PELI2: variants seen among roughly 807,000 people sequenced by gnomAD.
PELI2 encodes the protein E3 ubiquitin-protein ligase pellino homolog 2.
Under a neutral mutation model 42.3 loss-of-function variants are expected in PELI2, and 23 were observed. The observed-to-expected ratio is 0.54, with a 90% CI of 0.39 to 0.77. The LOEUF is 0.77. PELI2 is among the 30% of genes least tolerant of loss of function. PELI2 has a pLI of 0.00. For missense variants in PELI2, 463 were observed against 553.2 expected (o/e 0.84, Z 1.64); for synonymous variants, 245 against 212.2 (o/e 1.15, Z -1.34).
At chr14:56,145,319 C>A (rs1412447721) in intron 1 of PELI2, among the ~76,000 whole-genome samples, 2 of 152,132 alleles carry the variant, frequency 1.3e-5, no homozygotes, top group African/African-American at 4.8e-5. Context: ...CCCCCATGAT[C>A]CAGTCACCTC....
At chr14:56,136,831 A>G (rs754733433) in intron 1 of PELI2, among the ~76,000 whole-genome samples, 1 of 151,326 alleles carries the variant, frequency 6.6e-6, no homozygotes, top group Admixed American at 6.6e-5. Context: ...GTAATTGTGC[A>G]CTCTGAGATC....
At chr14:56,248,864 C>T (rs889432963) in intron 2 of PELI2, among the ~76,000 whole-genome samples, 5 of 151,914 alleles carry the variant, frequency 3.3e-5, no homozygotes, top group African/African-American at 9.7e-5. Flanking sequence ...CCATGTGCTG[C>T]GGCTGCTCCT....
At chr14:56,146,828 C>T (rs1884143349) in intron 1 of PELI2, among the ~76,000 whole-genome samples, 1 of 151,626 alleles carries the variant, frequency 6.6e-6, no homozygotes, top group South Asian at 2.1e-4. Flanking sequence ...ATATGCCATA[C>T]CTCACCTACT....
At chr14:56,271,057 G>A (rs1012043574) in intron 2 of PELI2, among the ~76,000 whole-genome samples, 2 of 152,172 alleles carry the variant, frequency 1.3e-5, no homozygotes, top group African/African-American at 4.8e-5. Context: ...GCAGTGAGGT[G>A]ATGCAATTTT....
chr14:56,158,211 A>G (rs982569131), intron 1 of PELI2, among the ~76,000 whole-genome samples: 5 of 152,104 alleles, frequency 3.3e-5, no homozygotes, highest in African/African-American at 1.2e-4. Flanking sequence ...TATTTTTAGT[A>G]GAGACGGGGT....
chr14:56,239,226 A>G (rs1230577325), intron 2 of PELI2, among the ~76,000 whole-genome samples: 2 of 152,236 alleles, frequency 1.3e-5, no homozygotes, highest in Non-Finnish European at 2.9e-5. Flanking sequence ...AAAGTGCAAA[A>G]CAGTTGCCTT....
chr14:56,284,918 A>G (rs2139885339), intron 3 of PELI2, among the ~76,000 whole-genome samples: 1 of 152,332 alleles, frequency 6.6e-6, no homozygotes, highest in Non-Finnish European at 1.5e-5. Context: ...CTCCAAGTCA[A>G]GATCACAGTG....
intron 1 of PELI2, among the ~76,000 whole-genome samples, chr14:56,132,675 A>G (rs1202158406): frequency 6.6e-6 from 1 of 152,196 alleles, no homozygotes; most frequent in African/African-American, 2.4e-5. Flanking sequence ...CTCCCTCAGG[A>G]GAAGGGCTTT....
intron 1 of PELI2, among the ~76,000 whole-genome samples, chr14:56,134,721 T>A (rs964934518): frequency 6.6e-6 from 1 of 152,194 alleles, no homozygotes; most frequent in Non-Finnish European, 1.5e-5. Context: ...GTTTATTTTT[T>A]TCTCTCTTTT....
At chr14:56,267,976 G>A (rs927150943) in intron 2 of PELI2, among the ~76,000 whole-genome samples, 1 of 152,086 alleles carries the variant, frequency 6.6e-6, no homozygotes, top group Non-Finnish European at 1.5e-5. Context: ...AAGTCATTGG[G>A]TATCTTAGTA....
chr14:56,250,779 C>T (rs890196352), intron 2 of PELI2, among the ~76,000 whole-genome samples: 1 of 152,176 alleles, frequency 6.6e-6, no homozygotes, highest in African/African-American at 2.4e-5. Context: ...ATGTTAATCT[C>T]CTTTGGCGAC....
chr14:56,282,545 T>C (rs1407907386), intron 3 of PELI2, among the ~76,000 whole-genome samples: 1 of 152,032 alleles, frequency 6.6e-6, no homozygotes, highest in Non-Finnish European at 1.5e-5. Context: ...TATTTTACAC[T>C]TTTCGATTTT....
At chr14:56,144,566 G>A (rs1304588669) in intron 1 of PELI2, among the ~76,000 whole-genome samples, 2 of 152,144 alleles carry the variant, frequency 1.3e-5, no homozygotes, top group East Asian at 1.9e-4. Flanking sequence ...ATTAGTGTTC[G>A]AATAACTAGG....
intron 1 of PELI2, among the ~76,000 whole-genome samples, chr14:56,166,474 T>A (rs1474507692): frequency 6.6e-6 from 1 of 152,218 alleles, no homozygotes; most frequent in Non-Finnish European, 1.5e-5. Flanking sequence ...TTTTGTACCT[T>A]CAGGTGATTA....
chr14:56,214,148 T>A (rs1886811301), intron 2 of PELI2, among the ~76,000 whole-genome samples: 1 of 152,160 alleles, frequency 6.6e-6, no homozygotes, highest in Non-Finnish European at 1.5e-5. Context: ...CCACTGCGCC[T>A]GGCCACAGTG....
chr14:56,266,951 G>A (rs1888928605), intron 2 of PELI2, among the ~76,000 whole-genome samples: 1 of 152,074 alleles, frequency 6.6e-6, no homozygotes, highest in Non-Finnish European at 1.5e-5. Context: ...TGTTAAAGAA[G>A]CAGGGAACAG....
intron 2 of PELI2, among the ~76,000 whole-genome samples, chr14:56,218,568 C>T (rs951628244): frequency 6.6e-6 from 1 of 152,258 alleles, no homozygotes; most frequent in Non-Finnish European, 1.5e-5. Context: ...TTCCTGCTTA[C>T]TCTTCCACCT....
chr14:56,175,795 AT>A (rs1194826557), intron 1 of PELI2, among the ~76,000 whole-genome samples: 1 of 152,198 alleles, frequency 6.6e-6, no homozygotes, highest in Non-Finnish European at 1.5e-5. Context: ...TGGAAATCAA[AT>A]TGAGTTAGCT....
intron 1 of PELI2, among the ~76,000 whole-genome samples, chr14:56,145,870 T>G (rs1360260457): frequency 1.3e-5 from 2 of 152,240 alleles, no homozygotes; most frequent in Non-Finnish European, 2.9e-5. Context: ...TTGACTTACA[T>G]TACTTTTGTT....
Sources: allele counts gnomAD v4.1 joint callset (sites outside exome capture counted in the v4.1 genomes callset), GRCh38; gene constraint gnomAD v4.1.1; transcripts MANE v1.5; gene names NCBI Gene and HGNC (gene_info 2026-07-23, HGNC 2026-07-21).